The following MTUS1 variants were observed in gnomAD, a reference collection of about 807,000 sequenced individuals.
MTUS1 encodes microtubule-associated tumor suppressor 1.
A neutral mutation model predicts 120.8 loss-of-function variants in MTUS1; 109 were observed. That is an observed-to-expected ratio of 0.90 (90% CI 0.77 to 1.06). MTUS1 has a LOEUF of 1.06. Among genes scored for constraint, MTUS1 ranks in the 50% least tolerant of loss-of-function variants. The pLI, the probability that MTUS1 is intolerant of heterozygous loss-of-function variation, is 0.00. For synonymous variants in MTUS1, 737 were observed against 550.5 expected (o/e 1.34, Z -4.74); for missense variants, 2,210 against 1,486.3 (o/e 1.49, Z -8.01).
At chr8:17,778,119 A>G (rs1031316685) in intron 1 of MTUS1, among the ~76,000 whole-genome samples, 4 of 152,232 alleles carry the variant, frequency 2.6e-5, no homozygotes, top group African/African-American at 9.6e-5. Context: ...AACTTGAAAT[A>G]ACCCAAATGT....
intron 4 of MTUS1, among the ~76,000 whole-genome samples, chr8:17,722,952 T>A (rs1044298920): frequency 6.6e-6 from 1 of 152,218 alleles, no homozygotes; most frequent in Non-Finnish European, 1.5e-5. Context: ...TTATTGGTAT[T>A]CTCATCATCC....
chr8:17,666,481 T>C (rs1231680099), intron 8 of MTUS1, among the ~76,000 whole-genome samples: 8 of 152,168 alleles, frequency 5.3e-5, no homozygotes, highest in Non-Finnish European at 8.8e-5. Context: ...GCTTGAGATA[T>C]GTATGTATTT....
At chr8:17,763,743 TC>T (rs748280693) in intron 1 of MTUS1, among the ~76,000 whole-genome samples, 1 of 152,184 alleles carries the variant, frequency 6.6e-6, no homozygotes, top group East Asian at 1.9e-4. Flanking sequence ...GTTATCTAAC[TC>T]ATCTCCTCTT....
At chr8:17,734,910 A>G (rs999374942) in intron 3 of MTUS1, among the ~76,000 whole-genome samples, 5 of 146,758 alleles carry the variant, frequency 3.4e-5, no homozygotes, top group African/African-American at 1.2e-4. Context: ...CTTCACACCA[A>G]CTTTTTTTTT....
At chr8:17,698,802 G>T (rs1482671748) in intron 6 of MTUS1, among the ~76,000 whole-genome samples, 2 of 152,202 alleles carry the variant, frequency 1.3e-5, no homozygotes, top group East Asian at 3.9e-4. Flanking sequence ...CCAATAACCT[G>T]TCCAGGGTTC....
At chr8:17,667,125 C>T (rs1585531614) in intron 8 of MTUS1, among the ~76,000 whole-genome samples, 1 of 152,290 alleles carries the variant, frequency 6.6e-6, no homozygotes, top group East Asian at 1.9e-4. Flanking sequence ...GGTAAAACTG[C>T]ATATCTGCAG....
At chr8:17,669,198 GCA>G (rs1811507963) in intron 8 of MTUS1, among the ~76,000 whole-genome samples, 1 of 152,176 alleles carries the variant, frequency 6.6e-6, no homozygotes, top group Non-Finnish European at 1.5e-5. Flanking sequence ...ACACTAGAAG[GCA>G]CAGTTAACTT....
intron 1 of MTUS1, among the ~76,000 whole-genome samples, chr8:17,775,141 T>C (rs2050321454): frequency 6.6e-6 from 1 of 152,008 alleles, no homozygotes; most frequent in Non-Finnish European, 1.5e-5. Flanking sequence ...AGTTTCTGTG[T>C]GGGATGATGA....
In MTUS1 at chr8:17,674,799, G is replaced by C. The variant is rs1474479044; in HGVS notation, c.2905+387C>G. Reference sequence around the variant, plus strand: ...ACTACTCACAAACCAACCCTTGGAAGTACAACGGATTTACTGTTTATCAAG... The same window carrying C: ...ACTACTCACAAACCAACCCTTGGAACTACAACGGATTTACTGTTTATCAAG... On this transcript the variant is annotated intron_variant, in intron 8 of 14. Coordinates refer to ENST00000693296, the MANE Select transcript of MTUS1 (RefSeq NM_001363059.2). 4 of 1,026,876 alleles carry C rather than the reference G, an allele frequency of 3.9e-6. No homozygotes were observed. The Admixed American group carries it at 2.2e-4, about 56-fold the overall frequency. 63.6% of individuals were successfully genotyped at this position (1,026,876 alleles called of 1,614,324 possible).
chr8:17,676,409 G>A (rs1274609789), intron 7 of MTUS1: 10 of 699,186 alleles, frequency 1.4e-5, no homozygotes, highest in African/African-American at 3.5e-5. Flanking sequence ...CCCACCAGTC[G>A]GGTCTGTCTA....
intron 8 of MTUS1, chr8:17,674,335 G>T: frequency 3.1e-6 from 1 of 327,502 alleles, no homozygotes; most frequent in Non-Finnish European, 4.4e-6. Flanking sequence ...CAGGAGAATT[G>T]CTTGAACCCG....
At chr8:17,683,794 G>A (rs1018428070) in intron 7 of MTUS1, among the ~76,000 whole-genome samples, 3 of 152,124 alleles carry the variant, frequency 2.0e-5, no homozygotes, top group African/African-American at 7.2e-5. Context: ...CATCCCTGAA[G>A]AATATTAGGG....
At chr8:17,775,133 T>C (rs911734590) in intron 1 of MTUS1, among the ~76,000 whole-genome samples, 2 of 151,772 alleles carry the variant, frequency 1.3e-5, no homozygotes, top group Non-Finnish European at 2.9e-5. Flanking sequence ...ATGGGTACAG[T>C]TTCTGTGTGG....
At chr8:17,671,790 C>T (rs1450996008) in intron 8 of MTUS1, among the ~76,000 whole-genome samples, 1 of 152,128 alleles carries the variant, frequency 6.6e-6, no homozygotes, top group South Asian at 2.1e-4. Context: ...GAGAGTGACA[C>T]CAACTCCCAT....
chr8:17,654,362 T>C, intron 10 of MTUS1, 199 bp downstream of exon 10: 2 of 581,334 alleles, frequency 3.4e-6, no homozygotes, highest in Middle Eastern at 4.6e-4. Flanking sequence ...AAGGCTGGCA[T>C]TTGTAACTAT....
intron 8 of MTUS1, chr8:17,674,505 C>T: frequency 1.0e-6 from 1 of 985,154 alleles, no homozygotes; most frequent in South Asian, 4.7e-5. Context: ...CTAAGGGCTT[C>T]CAGGAGAGAA....
chr8:17,776,092 A>G (rs2050405216), intron 1 of MTUS1, among the ~76,000 whole-genome samples: 1 of 152,222 alleles, frequency 6.6e-6, no homozygotes, highest in African/African-American at 2.4e-5. Context: ...GTGGTCTTTC[A>G]AACTTGCTTG....
At chr8:17,749,064 G>C (rs1273447879) in intron 2 of MTUS1, among the ~76,000 whole-genome samples, 1 of 152,038 alleles carries the variant, frequency 6.6e-6, no homozygotes, top group Non-Finnish European at 1.5e-5. Context: ...GCATTCCAAG[G>C]TTAACCTGAA....
intron 1 of MTUS1, among the ~76,000 whole-genome samples, chr8:17,759,367 G>C (rs1242227154): frequency 6.6e-6 from 1 of 150,954 alleles, no homozygotes; most frequent in Non-Finnish European, 1.5e-5. Flanking sequence ...AGGCTCAAGC[G>C]ATCTTCCCAC....
Sources: allele counts gnomAD v4.1 joint callset (sites outside exome capture counted in the v4.1 genomes callset), GRCh38; gene constraint gnomAD v4.1.1; transcripts MANE v1.5; gene names NCBI Gene and HGNC (gene_info 2026-07-23, HGNC 2026-07-21).